CDK14: variants seen among roughly 807,000 people sequenced by gnomAD.
The protein encoded by CDK14 is cyclin dependent kinase 14, also known as cyclin-dependent kinase 14.
Under a neutral mutation model 60.7 loss-of-function variants are expected in CDK14, and 34 were observed. The observed-to-expected ratio is 0.56, with a 90% CI of 0.43 to 0.75. CDK14 has a LOEUF of 0.75. CDK14 is among the 30% of genes least tolerant of loss of function. The pLI is 0.00. For synonymous variants in CDK14, 197 were observed against 203.7 expected (o/e 0.97, Z 0.28); for missense variants, 482 against 564.1 (o/e 0.85, Z 1.47).
intron 2 of CDK14, among the ~76,000 whole-genome samples, chr7:90,611,187 C>T (rs1170214520): frequency 6.6e-6 from 1 of 152,032 alleles, no homozygotes; most frequent in Admixed American, 6.6e-5. Flanking sequence ...ATACTTTCAC[C>T]ATAGGCTCTG....
At chr7:91,065,397 A>G (rs1584282403) in intron 11 of CDK14, among the ~76,000 whole-genome samples, 1 of 152,230 alleles carries the variant, frequency 6.6e-6, no homozygotes, top group African/African-American at 2.4e-5. Flanking sequence ...TTAGAGTAAC[A>G]TACATATTAT....
In CDK14 at chr7:90,688,061, G is replaced by A. The variant is rs530147790; in HGVS notation, c.124-38506G>A. Among the ~76,000 whole-genome samples, 4 of 152,214 alleles carry A rather than the reference G, an allele frequency of 2.6e-5. No homozygotes were observed. In the East Asian group the frequency reaches 5.8e-4, roughly 22 times the overall value. On this transcript the variant is annotated intron_variant, in intron 2 of 14. Transcript: ENST00000380050. ...TCCTCAGTGTCACCTAAATCAATAC[G>A]AATAATATTAGAATGACAAAGTATA...
chr7:91,031,051 A>G (rs1796745900), intron 10 of CDK14, among the ~76,000 whole-genome samples: 1 of 152,180 alleles, frequency 6.6e-6, no homozygotes. Context: ...TTTTTGGTTT[A>G]TTATGAATTA....
chr7:91,197,656 G>A (rs965267655), intron 14 of CDK14, among the ~76,000 whole-genome samples: 1 of 152,134 alleles, frequency 6.6e-6, no homozygotes, highest in South Asian at 2.1e-4. Context: ...TATCTTTCAG[G>A]CACTTTTATT....
chr7:91,170,517 A>G (rs1465679246), intron 14 of CDK14, among the ~76,000 whole-genome samples: 1 of 152,164 alleles, frequency 6.6e-6, no homozygotes, highest in Non-Finnish European at 1.5e-5. Context: ...AGTGAAGACC[A>G]TGATATTTGA....
intron 13 of CDK14, 41 bp downstream of exon 13, chr7:91,112,722 C>A: frequency 6.2e-7 from 1 of 1,604,006 alleles, no homozygotes; most frequent in Non-Finnish European, 8.5e-7. Flanking sequence ...CAAGCAGACA[C>A]ATCATTTTAT....
intron 4 of CDK14, among the ~76,000 whole-genome samples, chr7:90,751,199 A>G (rs1439922970): frequency 6.6e-6 from 1 of 152,180 alleles, no homozygotes; most frequent in East Asian, 1.9e-4. Context: ...GGGAGATACT[A>G]TATAAAATGA....
At chr7:90,625,941 A>G (rs1374961154) in intron 2 of CDK14, among the ~76,000 whole-genome samples, 1 of 152,252 alleles carries the variant, frequency 6.6e-6, no homozygotes, top group African/African-American at 2.4e-5. Context: ...TATTTAAACA[A>G]TGATTTCTGA....
At chr7:91,059,598 T>C (rs1464740855) in intron 11 of CDK14, among the ~76,000 whole-genome samples, 1 of 152,144 alleles carries the variant, frequency 6.6e-6, no homozygotes, top group Non-Finnish European at 1.5e-5. Flanking sequence ...GATTCTGGTA[T>C]GTGGTGTCTT....
At chr7:90,908,374 C>A (rs1792780691) in intron 7 of CDK14, among the ~76,000 whole-genome samples, 1 of 151,962 alleles carries the variant, frequency 6.6e-6, no homozygotes, top group South Asian at 2.1e-4. Context: ...TTAAGGCCAG[C>A]TAATTAAACA....
intron 9 of CDK14, among the ~76,000 whole-genome samples, chr7:90,976,375 A>T (rs1463835690): frequency 6.6e-6 from 1 of 151,948 alleles, no homozygotes; most frequent in African/African-American, 2.4e-5. Context: ...TCTTTTAAAG[A>T]GACAGGGTCC....
intron 12 of CDK14, among the ~76,000 whole-genome samples, chr7:91,098,608 C>T (rs1273240571): frequency 6.6e-6 from 1 of 151,482 alleles, no homozygotes; most frequent in Non-Finnish European, 1.5e-5. Flanking sequence ...CTATATATTG[C>T]CTTTAAGAAA....
intron 9 of CDK14, among the ~76,000 whole-genome samples, chr7:90,967,721 G>T (rs1399461753): frequency 6.6e-6 from 1 of 152,124 alleles, no homozygotes; most frequent in African/African-American, 2.4e-5. Flanking sequence ...TAGTTCTTTG[G>T]ATCTGTGGGC....
chr7:91,170,741 A>G (rs1801489239), intron 14 of CDK14, among the ~76,000 whole-genome samples: 1 of 151,836 alleles, frequency 6.6e-6, no homozygotes, highest in South Asian at 2.1e-4. Context: ...ACTCGTTTGT[A>G]AATTCTGTTT....
intron 10 of CDK14, among the ~76,000 whole-genome samples, chr7:91,036,198 A>G (rs548186657): frequency 1.9e-4 from 29 of 152,288 alleles, no homozygotes; most frequent in African/African-American, 5.8e-4. Context: ...GCAGTCTGAC[A>G]TGAGGGTCGG....
At chr7:90,835,967 G>A (rs1790081164) in intron 5 of CDK14, among the ~76,000 whole-genome samples, 1 of 152,138 alleles carries the variant, frequency 6.6e-6, no homozygotes, top group South Asian at 2.1e-4. Context: ...TCTAAATGTA[G>A]AAAAGGTGCA....
chr7:90,853,325 C>T (rs1790710760), intron 5 of CDK14, among the ~76,000 whole-genome samples: 1 of 152,060 alleles, frequency 6.6e-6, no homozygotes, highest in Non-Finnish European at 1.5e-5. Flanking sequence ...TGAAGAATTT[C>T]CTTTGCCTTC....
intron 5 of CDK14, among the ~76,000 whole-genome samples, chr7:90,807,933 T>G (rs978054282): frequency 1.3e-5 from 2 of 152,020 alleles, no homozygotes; most frequent in Admixed American, 1.3e-4. Context: ...TAAAAAGAAA[T>G]GAACAAAGCC....
intron 11 of CDK14, among the ~76,000 whole-genome samples, chr7:91,069,150 GTTC>G (rs1798063505): frequency 6.6e-6 from 1 of 152,026 alleles, no homozygotes; most frequent in Admixed American, 6.6e-5. Context: ...TTTTCTTTTT[GTTC>G]TTCTTATCCA....
Sources: gnomAD v4.1 joint callset for allele counts (sites outside exome capture counted in the v4.1 genomes callset) on GRCh38, gnomAD v4.1.1 for gene constraint, MANE v1.5 for transcripts, NCBI Gene and HGNC (gene_info 2026-07-23, HGNC 2026-07-21) for gene names.